PABPC4L: variants seen among roughly 807,000 people sequenced by gnomAD.
PABPC4L encodes the protein polyadenylate-binding protein 4-like.
For synonymous variants in PABPC4L, 169 were observed against 164.1 expected, an observed-to-expected ratio of 1.03 and a Z score of -0.23; for missense variants, 452 against 451.4, an observed-to-expected ratio of 1.00 and a Z score of -0.01.
At chr4:134,043,187 T>C in the PABPC4L span, among the ~76,000 whole-genome samples, 4 of 38,412 alleles carry the variant, frequency 1.0e-4, no homozygotes, top group Non-Finnish European at 1.8e-4. Context: ...CAGCACAATT[T>C]GTTATTTTAT....
Position 134,198,446 on chromosome 4 carries a change from C to G in PABPC4L, c.*1461G>C, listed in dbSNP as rs1050371340. The G allele has an allele frequency of 2.0e-5, 3 of 151,458 alleles. No homozygotes were observed. The highest frequency in any genetic ancestry group is 4.4e-5 in the Non-Finnish European group (3 of 67,638). 9.4% of individuals were successfully genotyped at this position (151,458 alleles called of 1,614,324 possible). ...AAAATAAAAGGCAACAAATTTTTCT[C>G]ATTCATAAGCTGAGGTATTGCCAAA... is the stretch of plus-strand genomic sequence containing the variant. On this transcript the variant is annotated 3_prime_UTR_variant, in exon 2 of 2. Transcript: ENST00000421491.
At chr4:134,143,127 C>T in the PABPC4L span, among the ~76,000 whole-genome samples, 1 of 151,108 alleles carries the variant, frequency 6.6e-6, no homozygotes, top group Non-Finnish European at 1.5e-5. Flanking sequence ...GACTATTTCC[C>T]TCAAAATATA....
chr4:134,003,592 AT>A, the PABPC4L span, among the ~76,000 whole-genome samples: 1 of 151,962 alleles, frequency 6.6e-6, no homozygotes, highest in Non-Finnish European at 1.5e-5. Flanking sequence ...TTATTACTTT[AT>A]TAAAAAATAA....
chr4:134,077,251 A>G, the PABPC4L span, among the ~76,000 whole-genome samples: 1 of 152,120 alleles, frequency 6.6e-6, no homozygotes, highest in Non-Finnish European at 1.5e-5. Flanking sequence ...CATTTGTTGA[A>G]CATTGCTTTC....
the PABPC4L span, among the ~76,000 whole-genome samples, chr4:133,972,411 AC>A: frequency 6.6e-6 from 1 of 151,942 alleles, no homozygotes; most frequent in African/African-American, 2.4e-5. Flanking sequence ...TGTCACACAT[AC>A]CCCCCTGTTT....
the PABPC4L span, among the ~76,000 whole-genome samples, chr4:133,996,122 C>T: frequency 6.6e-6 from 1 of 152,232 alleles, no homozygotes; most frequent in East Asian, 1.9e-4. Context: ...GGAGGGGGCT[C>T]AGGCAAAACC....
At chr4:134,135,476 A>G in the PABPC4L span, among the ~76,000 whole-genome samples, 13 of 152,252 alleles carry the variant, frequency 8.5e-5, no homozygotes, top group African/African-American at 2.9e-4. Context: ...CCATTAAAGT[A>G]TATTAAAGAC....
the PABPC4L span, among the ~76,000 whole-genome samples, chr4:134,115,441 T>C: frequency 6.6e-6 from 1 of 151,780 alleles, no homozygotes; most frequent in South Asian, 2.1e-4. Context: ...TTTGAATTTC[T>C]ATGGAATTAT....
At chr4:134,073,039 C>A in the PABPC4L span, among the ~76,000 whole-genome samples, 1 of 152,068 alleles carries the variant, frequency 6.6e-6, no homozygotes, top group Admixed American at 6.5e-5. Context: ...CTGGCCCCTC[C>A]CAAATCTCAT....
chr4:133,975,911 A>ACC, the PABPC4L span, among the ~76,000 whole-genome samples: 1 of 151,508 alleles, frequency 6.6e-6, no homozygotes, highest in African/African-American at 2.4e-5. Context: ...ATACACACAC[A>ACC]CTCTCTCTCT....
the PABPC4L span, among the ~76,000 whole-genome samples, chr4:134,071,146 C>T: frequency 1.2e-4 from 19 of 152,270 alleles, 1 homozygote; most frequent in South Asian, 2.1e-3. Context: ...GGCAAGAGCA[C>T]GTTGCTCAAC....
the PABPC4L span, among the ~76,000 whole-genome samples, chr4:134,016,693 G>A: frequency 7.9e-3 from 1,198 of 152,134 alleles, 13 homozygotes; most frequent in Admixed American, 0.018. Flanking sequence ...CTATTCTGTC[G>A]TCATTTCATA....
At chr4:134,105,616 C>T in the PABPC4L span, among the ~76,000 whole-genome samples, 1 of 151,556 alleles carries the variant, frequency 6.6e-6, no homozygotes, top group East Asian at 1.9e-4. Context: ...TACATACAGA[C>T]ATACAAATCT....
At chr4:134,034,060 CT>C in the PABPC4L span, among the ~76,000 whole-genome samples, 33 of 151,996 alleles carry the variant, frequency 2.2e-4, no homozygotes, top group African/African-American at 7.9e-4. Flanking sequence ...CAGATTAACT[CT>C]CTTGTTACGA....
chr4:134,201,224 C>A lies in PABPC4L; in HGVS notation c.-205G>T. 6.5e-6 allele frequency: 10 copies of A among 1,540,108 alleles called. No individual in the cohort carries two copies. Among genetic ancestry groups the A allele is most frequent in the Non-Finnish European group, 8.8e-6 (10 of 1,141,338 alleles). On this transcript the variant is annotated 5_prime_UTR_variant, in exon 2 of 2. The change creates a new upstream start codon in the 5' untranslated region. Coordinates refer to ENST00000421491, the MANE Select transcript of PABPC4L (RefSeq NM_001114734.2). ...AGTCCCCACAGCCACCAATCTGGCCCTCCTAGGACGCGGCAACAGAACTGT... is the reference window on the plus strand; with the variant it reads ...AGTCCCCACAGCCACCAATCTGGCCATCCTAGGACGCGGCAACAGAACTGT...
At chr4:134,084,800 A>G in the PABPC4L span, among the ~76,000 whole-genome samples, 1 of 152,258 alleles carries the variant, frequency 6.6e-6, no homozygotes, top group Non-Finnish European at 1.5e-5. Flanking sequence ...TTCTAGCCAC[A>G]GTGTACTGTT....
the PABPC4L span, among the ~76,000 whole-genome samples, chr4:134,158,731 A>T: frequency 6.6e-6 from 1 of 152,120 alleles, no homozygotes. Flanking sequence ...GGTTGATTTT[A>T]CTATGTACCA....
chr4:134,141,296 A>C, the PABPC4L span, among the ~76,000 whole-genome samples: 1 of 151,536 alleles, frequency 6.6e-6, no homozygotes, highest in South Asian at 2.1e-4. Context: ...ATCTGGTAGA[A>C]AAGAGAGAAC....
chr4:134,113,307 A>G, the PABPC4L span, among the ~76,000 whole-genome samples: 1 of 151,892 alleles, frequency 6.6e-6, no homozygotes, highest in African/African-American at 2.4e-5. Flanking sequence ...TCACTCACTG[A>G]CTCACCAGAG....
Sources: allele counts gnomAD v4.1 joint callset (sites outside exome capture counted in the v4.1 genomes callset), GRCh38; gene constraint gnomAD v4.1.1; transcripts MANE v1.5; gene names NCBI Gene and HGNC (gene_info 2026-07-23, HGNC 2026-07-21).